Variants in CHCHD6 observed in about 807,000 individuals in gnomAD.
CHCHD6 encodes MICOS complex subunit MIC25.
Under a neutral mutation model 32.3 loss-of-function variants are expected in CHCHD6, and 28 were observed. The observed-to-expected ratio is 0.87, with a 90% CI of 0.64 to 1.19. The LOEUF (loss-of-function observed/expected upper bound fraction) is 1.19. Among genes scored for constraint, CHCHD6 ranks in the 50% most tolerant of loss-of-function variants. The pLI, the probability that CHCHD6 is intolerant of heterozygous loss-of-function variation, is 0.00. For missense variants in CHCHD6, 333 were observed against 307.0 expected (o/e 1.08, Z -0.63); for synonymous variants, 122 against 117.5 (o/e 1.04, Z -0.25).
At chr3:126,769,368 G>A (rs188249360) in intron 4 of CHCHD6, among the ~76,000 whole-genome samples, 3 of 152,244 alleles carry the variant, frequency 2.0e-5, no homozygotes, top group Admixed American at 2.0e-4. Context: ...TGTTCCGTTG[G>A]TCTGTGTGTC....
At position 126,823,904 on chromosome 3, in the gene CHCHD6, A is replaced by AAC. The variant is rs565839224; in HGVS notation, c.412-28728_412-28727dup. 6.2e-3 allele frequency among the ~76,000 whole-genome samples: 944 copies of AAC among 151,334 alleles called. 9 individuals carry two copies. Among genetic ancestry groups the AAC allele is most frequent in the African/African-American group, 0.022 (887 of 41,230 alleles). The stretch of plus-strand genomic sequence containing the variant: ...CTACAAAAACAAAAACAAAAACAAA[A>AAC]ACACACACACACACACCCACATTAT... On this transcript the variant is annotated intron_variant, in intron 4 of 7. Coordinates refer to ENST00000290913, the MANE Select transcript of CHCHD6 (RefSeq NM_032343.3).
At chr3:126,922,244 A>G (rs1284685134) in intron 6 of CHCHD6, among the ~76,000 whole-genome samples, 2 of 152,314 alleles carry the variant, frequency 1.3e-5, no homozygotes, top group East Asian at 1.9e-4. Context: ...CCTGTTTCCC[A>G]TCTTCACAGG....
intron 5 of CHCHD6, among the ~76,000 whole-genome samples, chr3:126,883,538 A>G (rs2077639559): frequency 6.6e-6 from 1 of 152,194 alleles, no homozygotes; most frequent in Non-Finnish European, 1.5e-5. Flanking sequence ...GTGTGATGGC[A>G]GAAGAAACAT....
chr3:126,717,113 T>C (rs777302348), intron 1 of CHCHD6, among the ~76,000 whole-genome samples: 2 of 152,168 alleles, frequency 1.3e-5, no homozygotes, highest in African/African-American at 2.4e-5. Context: ...AGTCAGGCTT[T>C]GGTCCTGTGG....
At position 126,732,896 on chromosome 3, in the gene CHCHD6, C is replaced by A. The variant is rs912332201; in HGVS notation, c.267-182C>A. ...CTTGTCTGGGGAGCTGTCACTGATG[C>A]CTGAGCTTGGGTGTGGAATGATGGG... On this transcript the variant is annotated intron_variant, in intron 3 of 7. Coordinates refer to ENST00000290913, the MANE Select transcript of CHCHD6 (RefSeq NM_032343.3). Among the ~76,000 whole-genome samples, 11 of 152,260 alleles carry A rather than the reference C, an allele frequency of 7.2e-5. No homozygotes were observed. The South Asian group carries it at 1.7e-3, about 23-fold the overall frequency.
chr3:126,782,887 G>GC (rs549101163), intron 4 of CHCHD6, among the ~76,000 whole-genome samples: 218 of 152,298 alleles, frequency 1.4e-3, no homozygotes, highest in African/African-American at 5.1e-3. Flanking sequence ...GGGAATGGAT[G>GC]CTGGGCAGGC....
chr3:126,925,280 T>G (rs1200209523), intron 6 of CHCHD6, among the ~76,000 whole-genome samples: 1 of 152,074 alleles, frequency 6.6e-6, no homozygotes, highest in African/African-American at 2.4e-5. Context: ...GTTGAAAAGG[T>G]AAACACACGG....
intron 4 of CHCHD6, among the ~76,000 whole-genome samples, chr3:126,761,937 A>G (rs78326229): frequency 1.3e-5 from 2 of 152,210 alleles, no homozygotes; most frequent in African/African-American, 4.8e-5. Flanking sequence ...TTGTTGGCAT[A>G]TATTTGTTTA....
chr3:126,720,397 G>T (rs1576335544), intron 1 of CHCHD6, among the ~76,000 whole-genome samples: 1 of 152,166 alleles, frequency 6.6e-6, no homozygotes, highest in African/African-American at 2.4e-5. Flanking sequence ...TAGTCCCTCA[G>T]GGGCCTGGTG....
intron 4 of CHCHD6, among the ~76,000 whole-genome samples, chr3:126,765,068 C>T (rs1480568886): frequency 6.6e-6 from 1 of 152,110 alleles, no homozygotes; most frequent in Non-Finnish European, 1.5e-5. Flanking sequence ...GCAACAACAA[C>T]TAGATCATTT....
chr3:126,952,890 A>G (rs944879455), intron 6 of CHCHD6: 2 of 837,036 alleles, frequency 2.4e-6, no homozygotes. Flanking sequence ...GGAGTCAGGC[A>G]GACCTATGCG....
Position 126,880,609 on chromosome 3 carries a change from A to T in CHCHD6, c.495+27879A>T, listed in dbSNP as rs56260129. 7.3e-3 allele frequency among the ~76,000 whole-genome samples: 1,104 copies of T among 150,816 alleles called. 6 individuals are homozygous for T. The highest frequency in any genetic ancestry group is 0.012 in the Non-Finnish European group (811 of 68,014). On this transcript the variant is annotated intron_variant, in intron 5 of 7. Coordinates refer to ENST00000290913, the MANE Select transcript of CHCHD6 (RefSeq NM_032343.3). ...TGATTCTGAGGTATCCAGGTGATGAATAAGGATCTGAGGGAGACCCACTCA... is the reference window on the plus strand; with the variant it reads ...TGATTCTGAGGTATCCAGGTGATGATTAAGGATCTGAGGGAGACCCACTCA...
chr3:126,919,742 A>G (rs2107593169), intron 6 of CHCHD6, among the ~76,000 whole-genome samples: 1 of 151,374 alleles, frequency 6.6e-6, no homozygotes, highest in South Asian at 2.1e-4. Flanking sequence ...AGCTCTTTGA[A>G]GATATCTTTA....
At chr3:126,835,878 G>A (rs945061323) in intron 4 of CHCHD6, among the ~76,000 whole-genome samples, 1 of 152,204 alleles carries the variant, frequency 6.6e-6, no homozygotes, top group African/African-American at 2.4e-5. Context: ...TTTAAAAGGT[G>A]TTCAGCTAGA....
intron 4 of CHCHD6, among the ~76,000 whole-genome samples, chr3:126,734,772 A>T (rs1405885593): frequency 2.0e-5 from 3 of 152,194 alleles, no homozygotes; most frequent in African/African-American, 7.2e-5. Context: ...GCTGAGGGGC[A>T]GTTGGGCTGA....
At chr3:126,778,862 C>G (rs1387285937) in intron 4 of CHCHD6, among the ~76,000 whole-genome samples, 1 of 151,954 alleles carries the variant, frequency 6.6e-6, no homozygotes, top group Non-Finnish European at 1.5e-5. Flanking sequence ...TCAACCAGTT[C>G]TCCCACCTCA....
chr3:126,717,262 C>T (rs1000505988), intron 1 of CHCHD6, among the ~76,000 whole-genome samples: 4 of 152,136 alleles, frequency 2.6e-5, no homozygotes, highest in South Asian at 2.1e-4. Flanking sequence ...AGGTAGGTAG[C>T]GTTAGTAAGG....
At chr3:126,958,696 G>T (rs1487962221) in intron 7 of CHCHD6, among the ~76,000 whole-genome samples, 1 of 152,228 alleles carries the variant, frequency 6.6e-6, no homozygotes, top group Admixed American at 6.5e-5. Context: ...AGGATGAGTG[G>T]TCGCAAGGCC....
intron 5 of CHCHD6, among the ~76,000 whole-genome samples, chr3:126,882,785 A>G (rs2077628822): frequency 1.3e-5 from 2 of 152,196 alleles, no homozygotes; most frequent in African/African-American, 4.8e-5. Context: ...CCCACATGTG[A>G]TACTGTGAAA....
Sources: gnomAD v4.1 joint callset for allele counts (sites outside exome capture counted in the v4.1 genomes callset) on GRCh38, gnomAD v4.1.1 for gene constraint, MANE v1.5 for transcripts, NCBI Gene and HGNC (gene_info 2026-07-23, HGNC 2026-07-21) for gene names.